The following GALNTL6 variants were observed in gnomAD, a reference collection of about 807,000 sequenced individuals.
GALNTL6 encodes the protein polypeptide N-acetylgalactosaminyltransferase-like 6.
In GALNTL6, 46 loss-of-function variants were observed where a neutral mutation model predicts 73.7. That is an observed-to-expected ratio of 0.62 (90% confidence interval 0.49 to 0.80). The LOEUF (loss-of-function observed/expected upper bound fraction) is 0.80, where lower values mean the gene tolerates loss of function less well. GALNTL6 is among the 30% of genes least tolerant of loss of function. GALNTL6 has a pLI of 0.00. For synonymous variants in GALNTL6, 259 were observed against 263.7 expected, an observed-to-expected ratio of 0.98 and a Z score of 0.17; for missense variants, 604 against 755.0, an observed-to-expected ratio of 0.80 and a Z score of 2.34.
At chr4:171,822,415 A>G (rs1410086923) in intron 2 of GALNTL6, among the ~76,000 whole-genome samples, 1 of 152,212 alleles carries the variant, frequency 6.6e-6, no homozygotes, top group Non-Finnish European at 1.5e-5. Flanking sequence ...ATGCTACTTA[A>G]CATCTTTAAA....
intron 3 of GALNTL6, among the ~76,000 whole-genome samples, chr4:172,249,276 C>T (rs537298912): frequency 1.3e-5 from 2 of 152,090 alleles, no homozygotes; most frequent in Non-Finnish European, 2.9e-5. Context: ...TGGCCCTTGC[C>T]CTAGAGATCT....
intron 5 of GALNTL6, among the ~76,000 whole-genome samples, chr4:172,465,476 CAAAAAAAGAA>C (rs1462493004): frequency 6.1e-5 from 9 of 147,370 alleles, no homozygotes; most frequent in South Asian, 2.1e-4. Context: ...GAATCCGTCT[CAAAAAAAGAA>C]AAAAAAAGAA....
chr4:172,905,234 G>T (rs1319847445), intron 8 of GALNTL6, among the ~76,000 whole-genome samples: 2 of 152,056 alleles, frequency 1.3e-5, no homozygotes, highest in Non-Finnish European at 2.9e-5. Flanking sequence ...TCAAATTTGG[G>T]TTTGCTCTCA....
intron 3 of GALNTL6, among the ~76,000 whole-genome samples, chr4:172,306,117 G>T (rs540407950): frequency 3.9e-4 from 59 of 152,224 alleles, no homozygotes; most frequent in Admixed American, 6.5e-5. Context: ...GGCCGGGCGT[G>T]GTGGCTCATG....
At chr4:171,959,636 A>G (rs1370274489) in intron 2 of GALNTL6, among the ~76,000 whole-genome samples, 1 of 152,204 alleles carries the variant, frequency 6.6e-6, no homozygotes, top group Non-Finnish European at 1.5e-5. Context: ...GAAATCCTTG[A>G]ACCCAGGTGT....
intron 5 of GALNTL6, among the ~76,000 whole-genome samples, chr4:172,447,370 A>G: frequency 6.6e-6 from 1 of 152,108 alleles, no homozygotes; most frequent in Non-Finnish European, 1.5e-5. Flanking sequence ...TGGCTTTGCA[A>G]TTTAAAGGGA....
intron 2 of GALNTL6, among the ~76,000 whole-genome samples, chr4:171,981,956 A>G (rs974867103): frequency 5.3e-5 from 8 of 152,036 alleles, no homozygotes; most frequent in African/African-American, 1.2e-4. Context: ...GGGGTTAACT[A>G]TATTTCAGAA....
chr4:171,958,809 T>C (rs1739130809), intron 2 of GALNTL6, among the ~76,000 whole-genome samples: 1 of 152,176 alleles, frequency 6.6e-6, no homozygotes, highest in Non-Finnish European at 1.5e-5. Context: ...TATTTATATT[T>C]CTTTGACTCA....
intron 5 of GALNTL6, among the ~76,000 whole-genome samples, chr4:172,503,329 G>A (rs968751211): frequency 4.0e-5 from 6 of 151,868 alleles, no homozygotes; most frequent in African/African-American, 1.5e-4. Context: ...TCTAATTATA[G>A]CAAGCTAATG....
intron 5 of GALNTL6, among the ~76,000 whole-genome samples, chr4:172,552,351 A>G (rs949471031): frequency 1.3e-5 from 2 of 152,148 alleles, no homozygotes; most frequent in Non-Finnish European, 2.9e-5. Flanking sequence ...GGAAAGTTCT[A>G]TAGCCCAAGA....
intron 5 of GALNTL6, among the ~76,000 whole-genome samples, chr4:172,413,614 C>A (rs1335448717): frequency 6.7e-6 from 1 of 150,096 alleles, no homozygotes; most frequent in Non-Finnish European, 1.5e-5. Context: ...GCTAGTAACT[C>A]TACTTGACAT....
intron 5 of GALNTL6, among the ~76,000 whole-genome samples, chr4:172,739,786 A>G (rs1736695032): frequency 1.3e-5 from 2 of 152,052 alleles, no homozygotes; most frequent in African/African-American, 4.8e-5. Context: ...GAGAAACAAC[A>G]TAGAGTCATA....
intron 2 of GALNTL6, among the ~76,000 whole-genome samples, chr4:172,009,772 T>C (rs1740950246): frequency 6.6e-6 from 1 of 152,022 alleles, no homozygotes; most frequent in African/African-American, 2.4e-5. Flanking sequence ...TCTCTGTGAG[T>C]TTTTGGTACA....
chr4:172,570,314 G>A (rs1736713455), intron 5 of GALNTL6, among the ~76,000 whole-genome samples: 1 of 152,122 alleles, frequency 6.6e-6, no homozygotes, highest in Non-Finnish European at 1.5e-5. Flanking sequence ...GTGGTTTGCA[G>A]GAAAAGGATA....
At position 172,177,839 on chromosome 4, in the gene GALNTL6, A is replaced by ATGTG. The variant is rs1313807210; in HGVS notation, c.139-51816_139-51815insGTGT. 4.4e-4 allele frequency among the ~76,000 whole-genome samples: 34 copies of ATGTG among 77,044 alleles called. No individual in the cohort carries two copies. In the East Asian group the frequency reaches 6.6e-3, roughly 15 times the overall value. 50.5% of individuals were successfully genotyped at this position (77,044 alleles called of 152,430 possible). A position where few individuals can be genotyped will look rare whatever the true frequency, so the allele number is the denominator to read the frequency against. On this transcript the variant is annotated intron_variant, in intron 2 of 12. Transcript: ENST00000506823. ...TGTGTGTATATATACACACACATAT[A>ATGTG]TATGTGTATATATATACACACATAC...
chr4:172,193,496 A>C lies in GALNTL6; in HGVS notation c.139-36160A>C, dbSNP rs1735648345. Among the ~76,000 whole-genome samples, 6 of 152,222 alleles carry C rather than the reference A, an allele frequency of 3.9e-5. 1 individual carries two copies. The South Asian group carries it at 1.2e-3, about 32-fold the overall frequency. On this transcript the variant is annotated intron_variant, in intron 2 of 12. Transcript: ENST00000506823. ...AGCAACAACAACAACAACAACATCA[A>C]CAAAAAATACCCCACAAAAACCCAC...
chr4:171,962,169 C>T (rs189068995), intron 2 of GALNTL6, among the ~76,000 whole-genome samples: 5 of 152,264 alleles, frequency 3.3e-5, no homozygotes, highest in Admixed American at 2.6e-4. Flanking sequence ...GAAGATGGAT[C>T]ATTATTTGTC....
At chr4:173,035,595 C>T (rs1296799831) in intron 12 of GALNTL6, among the ~76,000 whole-genome samples, 1 of 152,176 alleles carries the variant, frequency 6.6e-6, no homozygotes, top group Admixed American at 6.5e-5. Flanking sequence ...AAAGTCACTT[C>T]ATAAATATTT....
chr4:172,941,464 T>A lies in GALNTL6; in HGVS notation c.1149+10196T>A, dbSNP rs532087495. Among the ~76,000 whole-genome samples, 10 of 152,364 alleles carry A rather than the reference T, an allele frequency of 6.6e-5. No individual in the cohort carries two copies. In the East Asian group the frequency reaches 1.5e-3, roughly 23 times the overall value. On this transcript the variant is annotated intron_variant, in intron 9 of 12. Transcript: ENST00000506823. Reference sequence around the variant, plus strand: ...TTTCCAGTTTGTTTTGGTTATTCACTCTCCTACCTGGAGACCTTGGCATTT... The same window carrying A: ...TTTCCAGTTTGTTTTGGTTATTCACACTCCTACCTGGAGACCTTGGCATTT...
Sources: gnomAD v4.1 joint callset for allele counts (sites outside exome capture counted in the v4.1 genomes callset) on GRCh38, gnomAD v4.1.1 for gene constraint, MANE v1.5 for transcripts, NCBI Gene and HGNC (gene_info 2026-07-23, HGNC 2026-07-21) for gene names.